The following CCSER1 variants were observed in gnomAD, a reference collection of about 807,000 sequenced individuals.
The protein encoded by CCSER1 is serine-rich coiled-coil domain-containing protein 1.
Under a neutral mutation model 82.0 loss-of-function variants are expected in CCSER1, and 41 were observed. That is an observed-to-expected ratio of 0.50 (90% CI 0.39 to 0.65). The LOEUF is 0.65. CCSER1 is among the 30% of genes least tolerant of loss of function. The pLI, the probability that CCSER1 is intolerant of heterozygous loss-of-function variation, is 0.00. For synonymous variants in CCSER1, 414 were observed against 383.9 expected (o/e 1.08, Z -0.92); for missense variants, 1,119 against 1,064.2 (o/e 1.05, Z -0.72).
intron 8 of CCSER1, among the ~76,000 whole-genome samples, chr4:90,861,903 C>T (rs1250209071): frequency 7.6e-6 from 1 of 130,918 alleles, no homozygotes; most frequent in Admixed American, 8.2e-5. Context: ...GATATGATGA[C>T]TCATATATAT....
intron 3 of CCSER1, among the ~76,000 whole-genome samples, chr4:90,392,842 C>G (rs370207119): frequency 5.3e-5 from 8 of 152,238 alleles, no homozygotes; most frequent in African/African-American, 1.9e-4. Flanking sequence ...GCAATTCTAT[C>G]ATAAGGATTG....
intron 10 of CCSER1, among the ~76,000 whole-genome samples, chr4:91,597,755 A>T (rs1045505115): frequency 6.6e-6 from 1 of 150,602 alleles, no homozygotes; most frequent in African/African-American, 2.5e-5. Context: ...GCAACAATAA[A>T]TCCTTCATTT....
intron 10 of CCSER1, among the ~76,000 whole-genome samples, chr4:91,155,562 C>T (rs866678824): frequency 2.6e-5 from 4 of 151,926 alleles, no homozygotes; most frequent in Admixed American, 2.6e-4. Context: ...GAGTCATGAA[C>T]AAGTAGAGAG....
chr4:90,646,812 C>A (rs1727689777), intron 6 of CCSER1, among the ~76,000 whole-genome samples: 1 of 152,066 alleles, frequency 6.6e-6, no homozygotes, highest in Non-Finnish European at 1.5e-5. Context: ...TATTCTATAT[C>A]TTCTTACTTT....
At chr4:91,582,800 T>C (rs1258118231) in intron 10 of CCSER1, among the ~76,000 whole-genome samples, 3 of 151,512 alleles carry the variant, frequency 2.0e-5, no homozygotes, top group Non-Finnish European at 4.4e-5. Context: ...TACAGTATAC[T>C]GCTTGTCTTA....
At position 91,380,469 on chromosome 4, in the gene CCSER1, A is replaced by C. The variant is rs546487311; in HGVS notation, c.2218-218103A>C. Among the ~76,000 whole-genome samples the C allele has an allele frequency of 3.3e-5, 5 of 152,012 alleles. No individual in the cohort carries two copies. In the East Asian group the frequency reaches 9.6e-4, roughly 29 times the overall value. ...ATATATATTTAGGATAGTTAGCTCT[A>C]CTTGTTGAATTGATCCCTTTACCGT... On this transcript the variant is annotated intron_variant, in intron 10 of 10. Transcript: ENST00000509176.
intron 10 of CCSER1, among the ~76,000 whole-genome samples, chr4:91,179,672 T>G (rs975627344): frequency 1.3e-5 from 2 of 152,218 alleles, no homozygotes; most frequent in African/African-American, 2.4e-5. Flanking sequence ...TAATGTCTTC[T>G]GTATGCTTTT....
intron 8 of CCSER1, among the ~76,000 whole-genome samples, chr4:90,817,171 C>T (rs532507102): frequency 3.9e-5 from 6 of 152,054 alleles, no homozygotes; most frequent in South Asian, 4.1e-4. Context: ...TGCTTTTTTA[C>T]GTTGCATACA....
intron 7 of CCSER1, among the ~76,000 whole-genome samples, chr4:90,766,305 A>G (rs558509823): frequency 8.5e-5 from 13 of 152,302 alleles, no homozygotes; most frequent in African/African-American, 3.1e-4. Context: ...AAGTTCATAT[A>G]TAACGTTCTT....
At chr4:91,096,953 G>A (rs1038600419) in intron 10 of CCSER1, among the ~76,000 whole-genome samples, 1 of 152,168 alleles carries the variant, frequency 6.6e-6, no homozygotes. Context: ...TGCCGACACA[G>A]GCACACCGTG....
At chr4:91,179,784 T>A (rs1733815889) in intron 10 of CCSER1, among the ~76,000 whole-genome samples, 1 of 152,238 alleles carries the variant, frequency 6.6e-6, no homozygotes. Context: ...TTATTACAGA[T>A]TGTCTGAAGC....
chr4:91,215,204 C>G (rs1235777665), intron 10 of CCSER1, among the ~76,000 whole-genome samples: 1 of 152,008 alleles, frequency 6.6e-6, no homozygotes, highest in Non-Finnish European at 1.5e-5. Context: ...TATTGTTATT[C>G]AGACACTTAA....
At chr4:90,191,567 C>CT (rs945629489) in intron 1 of CCSER1, among the ~76,000 whole-genome samples, 4 of 151,976 alleles carry the variant, frequency 2.6e-5, no homozygotes, top group Non-Finnish European at 5.9e-5. Flanking sequence ...TGCATGGAAA[C>CT]TAACCTTTAA....
At chr4:91,438,516 A>C in intron 10 of CCSER1, among the ~76,000 whole-genome samples, 1 of 152,150 alleles carries the variant, frequency 6.6e-6, no homozygotes, top group East Asian at 1.9e-4. Flanking sequence ...AAGTAGATAA[A>C]ACCACAAAGA....
intron 8 of CCSER1, among the ~76,000 whole-genome samples, chr4:90,904,005 CAA>C (rs900097040): frequency 2.0e-5 from 3 of 151,738 alleles, no homozygotes; most frequent in African/African-American, 7.3e-5. Context: ...TGACAGGAAA[CAA>C]AACTGTACAT....
At chr4:91,129,780 C>T (rs1464625568) in intron 10 of CCSER1, 1 of 151,996 alleles carries the variant, frequency 6.6e-6, no homozygotes, top group Non-Finnish European at 1.5e-5. Flanking sequence ...TTATTTCTAT[C>T]AGCACAGTAA....
At chr4:90,996,271 T>C (rs1179841213) in intron 9 of CCSER1, among the ~76,000 whole-genome samples, 6 of 152,066 alleles carry the variant, frequency 3.9e-5, no homozygotes, top group Non-Finnish European at 7.4e-5. Flanking sequence ...AATAAGGCAA[T>C]CTTTAACTTT....
intron 3 of CCSER1, among the ~76,000 whole-genome samples, chr4:90,391,669 A>T (rs1235590777): frequency 1.3e-5 from 2 of 151,516 alleles, no homozygotes; most frequent in Admixed American, 1.3e-4. Flanking sequence ...AGAACAAATT[A>T]TAAATGAGAG....
chr4:91,224,179 C>T (rs1020483785), intron 10 of CCSER1, among the ~76,000 whole-genome samples: 11 of 151,826 alleles, frequency 7.2e-5, no homozygotes, highest in East Asian at 1.9e-4. Flanking sequence ...AAAGCAAATT[C>T]GCTAAAGCAT....
Sources: allele counts gnomAD v4.1 joint callset (sites outside exome capture counted in the v4.1 genomes callset), GRCh38; gene constraint gnomAD v4.1.1; transcripts MANE v1.5; gene names NCBI Gene and HGNC (gene_info 2026-07-23, HGNC 2026-07-21).